ZFAT: variants seen among roughly 807,000 people sequenced by gnomAD.
The protein encoded by ZFAT is zinc finger and AT-hook domain containing.
A neutral mutation model predicts 117.7 loss-of-function variants in ZFAT; 64 were observed. The observed-to-expected ratio is 0.54, with a 90% confidence interval of 0.44 to 0.67. The LOEUF (loss-of-function observed/expected upper bound fraction) is 0.67. Among genes scored for constraint, ZFAT ranks in the 30% least tolerant of loss-of-function variants. The probability of loss-of-function intolerance (pLI) is 0.00; values close to 1 mark genes in which losing one functional copy is unlikely to be tolerated. For synonymous variants in ZFAT, 679 were observed against 615.0 expected (o/e 1.10, Z -1.54); for missense variants, 1,433 against 1,584.5 (o/e 0.90, Z 1.62).
chr8:134,522,003 TCTCTC>T (rs1820699890), intron 12 of ZFAT, among the ~76,000 whole-genome samples: 1 of 152,202 alleles, frequency 6.6e-6, no homozygotes, highest in Non-Finnish European at 1.5e-5. Context: ...GTCCACATGG[TCTCTC>T]CTCTATGCCA....
At chr8:134,803,971 C>A in the ZFAT span, among the ~76,000 whole-genome samples, 18 of 152,086 alleles carry the variant, frequency 1.2e-4, no homozygotes, top group South Asian at 3.5e-3. Context: ...TTTAAAAAAA[C>A]CAATGCTTTA....
At position 134,478,339 on chromosome 8, in the gene ZFAT, A is replaced by C; in HGVS notation, c.*143T>G. 8.6e-6 allele frequency: 11 copies of C among 1,285,254 alleles called. No individual in the cohort carries two copies. Among genetic ancestry groups the C allele is most frequent in the African/African-American group, 1.5e-5 (1 of 67,278 alleles). 79.6% of individuals were successfully genotyped at this position (1,285,254 alleles called of 1,614,324 possible). ...TGCCTTGCCCACCCCAAGTTGGACT[A>C]GGAGAGTCCTATCAGGCTGCTGGGC... On this transcript the variant is annotated 3_prime_UTR_variant, in exon 16 of 16. Coordinates refer to ENST00000377838, the MANE Select transcript of ZFAT (RefSeq NM_020863.4). The surrounding 1 kb of genome is among the most constrained non-coding windows in gnomAD (Gnocchi z 5.2).
chr8:134,596,374 C>A (rs1045446092), intron 7 of ZFAT, among the ~76,000 whole-genome samples: 8 of 152,170 alleles, frequency 5.3e-5, no homozygotes, highest in Non-Finnish European at 1.2e-4. Flanking sequence ...CAGTTTTATC[C>A]ATTTCATGGC....
chr8:134,560,648 G>T (rs544387855), intron 11 of ZFAT, among the ~76,000 whole-genome samples: 1 of 152,312 alleles, frequency 6.6e-6, no homozygotes, highest in Admixed American at 6.5e-5. Flanking sequence ...AGAAAGCAAA[G>T]AGTTGAATAG....
Position 134,478,500 on chromosome 8 carries a change from C to T in ZFAT, c.3714G>A (p.Gln1238=). Residue 1238 remains glutamine (Q), a synonymous_variant, in exon 16 of 16, where the codon CAG becomes CAA. Coordinates refer to ENST00000377838, the MANE Select transcript of ZFAT (RefSeq NM_020863.4). The surrounding 1 kb of genome is among the most constrained non-coding windows in gnomAD (Gnocchi z 5.2). ...ATGTCCTCTAGAGTTCCTGGGCCGGCTGCTCCACAGCCTGCTCCTCCACAG... is the reference window on the plus strand; with the variant it reads ...ATGTCCTCTAGAGTTCCTGGGCCGGTTGCTCCACAGCCTGCTCCTCCACAG... ...MQPVEEQAVE[Q]PAQEL 1 of 1,575,574 alleles carries T rather than the reference C, an allele frequency of 6.3e-7. No homozygotes were observed. The highest frequency in any genetic ancestry group is 8.6e-7 in the Non-Finnish European group (1 of 1,161,236).
At chr8:134,493,383 T>C (rs1368122934) in intron 15 of ZFAT, among the ~76,000 whole-genome samples, 2 of 152,176 alleles carry the variant, frequency 1.3e-5, no homozygotes, top group Non-Finnish European at 2.9e-5. Flanking sequence ...AGAGGAGCAA[T>C]GCAGGCTTCC....
the ZFAT span, among the ~76,000 whole-genome samples, chr8:134,800,165 T>C: frequency 2.2e-4 from 34 of 152,292 alleles, no homozygotes; most frequent in Admixed American, 6.5e-4. Context: ...TTTGTCCCAA[T>C]ACCCAGAGCC....
chr8:134,728,139 T>C, the ZFAT span, among the ~76,000 whole-genome samples: 1 of 151,820 alleles, frequency 6.6e-6, no homozygotes. Flanking sequence ...CAATATTAAA[T>C]TTTTTAACTT....
intron 15 of ZFAT, among the ~76,000 whole-genome samples, chr8:134,507,987 G>A (rs1468050760): frequency 2.0e-5 from 3 of 152,118 alleles, no homozygotes; most frequent in Admixed American, 1.3e-4. Flanking sequence ...ACCAAGAAAA[G>A]CTAAAAAGGT....
chr8:134,758,842 G>A, the ZFAT span, among the ~76,000 whole-genome samples: 3 of 152,166 alleles, frequency 2.0e-5, no homozygotes, highest in Admixed American at 1.3e-4. Flanking sequence ...GCACATCACT[G>A]CCCCAAATAA....
intron 1 of ZFAT, among the ~76,000 whole-genome samples, chr8:134,665,848 C>A (rs1338320152): frequency 1.3e-5 from 2 of 152,198 alleles, no homozygotes; most frequent in Non-Finnish European, 2.9e-5. Context: ...CCCCTCCATA[C>A]CCCTCTGCCT....
chr8:134,527,457 T>C (rs758187776), intron 12 of ZFAT, among the ~76,000 whole-genome samples: 2 of 152,220 alleles, frequency 1.3e-5, no homozygotes, highest in South Asian at 2.1e-4. Flanking sequence ...AAAGTGGATA[T>C]GGAAAAATTG....
chr8:134,688,060 A>T (rs980894000), intron 1 of ZFAT, among the ~76,000 whole-genome samples: 1 of 152,076 alleles, frequency 6.6e-6, no homozygotes, highest in Non-Finnish European at 1.5e-5. Flanking sequence ...AAAAATGGAG[A>T]TAACCACAGC....
chr8:134,827,699 C>T, the ZFAT span, among the ~76,000 whole-genome samples: 9 of 148,310 alleles, frequency 6.1e-5, no homozygotes, highest in African/African-American at 1.2e-4. Context: ...ACCCGGGAGG[C>T]GGAGGTTGCA....
chr8:134,798,864 T>G, the ZFAT span, among the ~76,000 whole-genome samples: 2 of 152,164 alleles, frequency 1.3e-5, no homozygotes, highest in African/African-American at 4.8e-5. Flanking sequence ...TTTTATGCAC[T>G]GAGGTTCAAA....
At chr8:134,490,913 C>G (rs1350612371) in intron 15 of ZFAT, among the ~76,000 whole-genome samples, 2 of 152,174 alleles carry the variant, frequency 1.3e-5, no homozygotes, top group African/African-American at 4.8e-5. Flanking sequence ...CTGTCCTCCC[C>G]CTGCCTAGAG....
intron 7 of ZFAT, among the ~76,000 whole-genome samples, chr8:134,592,411 C>T (rs946258217): frequency 1.7e-4 from 26 of 152,178 alleles, no homozygotes; most frequent in African/African-American, 6.3e-4. Flanking sequence ...CTTATGAGAC[C>T]CTGACTAGCA....
In ZFAT at chr8:134,616,995, G is replaced by A. The variant is rs142752867; in HGVS notation, c.449-6340C>T. On this transcript the variant is annotated intron_variant, in intron 3 of 15. Transcript: ENST00000377838. ...CATATTAAATATCTCATCAATGTTC[G>A]CCTTCTCTGCCTTTTGAAAACATAT... Among the ~76,000 whole-genome samples the A allele has an allele frequency of 2.8e-3, 424 of 152,262 alleles. 1 individual carries two copies. Among genetic ancestry groups the A allele is most frequent in the Admixed American group, 3.5e-3 (54 of 15,292 alleles).
At chr8:134,824,518 C>G in the ZFAT span, among the ~76,000 whole-genome samples, 1 of 152,138 alleles carries the variant, frequency 6.6e-6, no homozygotes, top group Non-Finnish European at 1.5e-5. Flanking sequence ...TGGTTGAAAC[C>G]GGGATGAAAT....
Sources: gnomAD v4.1 joint callset for allele counts (sites outside exome capture counted in the v4.1 genomes callset) on GRCh38, gnomAD v4.1.1 for gene constraint, Gnocchi (gnomAD v3.1) non-coding constraint, MANE v1.5 for transcripts, NCBI Gene and HGNC (gene_info 2026-07-23, HGNC 2026-07-21) for gene names.